The following UGT1A8 variants were observed in gnomAD, a reference collection of about 807,000 sequenced individuals.
UGT1A8 encodes UDP glucuronosyltransferase family 1 member A8.
In UGT1A8, 39 loss-of-function variants were observed where a neutral mutation model predicts 45.3. The ratio of observed to expected loss-of-function variants is 0.86; its 90% CI spans 0.67 to 1.12. The LOEUF (loss-of-function observed/expected upper bound fraction) is 1.12, where lower values mean the gene tolerates loss of function less well. UGT1A8 is among the 50% of genes most tolerant of loss of function. UGT1A8 has a pLI of 0.00. For synonymous variants in UGT1A8, 275 were observed against 249.2 expected, an observed-to-expected ratio of 1.10 and a Z score of -0.97; for missense variants, 719 against 664.9, an observed-to-expected ratio of 1.08 and a Z score of -0.90.
intron 1 of UGT1A8, among the ~76,000 whole-genome samples, chr2:233,765,971 T>A (rs950382144): frequency 6.6e-6 from 1 of 152,072 alleles, no homozygotes; most frequent in African/African-American, 2.4e-5. Context: ...TAGAGGTGGA[T>A]GTTTACAGCT....
At chr2:233,709,190 T>C (rs2076063708) in intron 1 of UGT1A8, among the ~76,000 whole-genome samples, 2 of 152,114 alleles carry the variant, frequency 1.3e-5, no homozygotes, top group East Asian at 3.9e-4. Flanking sequence ...GAGCTGGGAG[T>C]GGATCCTCAC....
intron 1 of UGT1A8, among the ~76,000 whole-genome samples, chr2:233,762,024 AT>A (rs967311965): frequency 2.6e-5 from 4 of 151,856 alleles, no homozygotes; most frequent in Non-Finnish European, 4.4e-5. Context: ...TTTGTATTTT[AT>A]TTTTTTTAAT....
chr2:233,638,101 G>A (rs1033512703), intron 1 of UGT1A8, among the ~76,000 whole-genome samples: 5 of 152,086 alleles, frequency 3.3e-5, no homozygotes, highest in African/African-American at 1.2e-4. Context: ...CCTACACGTA[G>A]GGTTACAGGG....
chr2:233,637,855 A>T (rs1299214166), intron 1 of UGT1A8, among the ~76,000 whole-genome samples: 1 of 152,208 alleles, frequency 6.6e-6, no homozygotes, highest in African/African-American at 2.4e-5. Flanking sequence ...TTCACTTGCC[A>T]ATAAATTATG....
At chr2:233,630,002 C>A (rs1055293969) in intron 1 of UGT1A8, among the ~76,000 whole-genome samples, 19 of 151,730 alleles carry the variant, frequency 1.3e-4, no homozygotes, top group African/African-American at 4.1e-4. Flanking sequence ...TTGATAATTT[C>A]TTTCTTCTCT....
At chr2:233,746,789 T>C (rs1693473913) in intron 1 of UGT1A8, among the ~76,000 whole-genome samples, 1 of 151,828 alleles carries the variant, frequency 6.6e-6, no homozygotes, top group South Asian at 2.1e-4. Context: ...TCTGTTGTAA[T>C]TCATGAGCGT....
At chr2:233,735,430 A>G (rs2125793200) in intron 1 of UGT1A8, among the ~76,000 whole-genome samples, 1 of 152,196 alleles carries the variant, frequency 6.6e-6, no homozygotes, top group East Asian at 1.9e-4. Context: ...GGCCTCCTGA[A>G]TACAGCATAC....
At chr2:233,763,992 G>T (rs1053097795) in intron 1 of UGT1A8, among the ~76,000 whole-genome samples, 85 of 152,324 alleles carry the variant, frequency 5.6e-4, no homozygotes, top group Non-Finnish European at 2.2e-4. Flanking sequence ...AATGCGTGAT[G>T]GTGAAGTCAC....
At chr2:233,646,788 G>A (rs889014801) in intron 1 of UGT1A8, among the ~76,000 whole-genome samples, 1 of 152,108 alleles carries the variant, frequency 6.6e-6, no homozygotes, top group Admixed American at 6.5e-5. Flanking sequence ...ACATTTTCCT[G>A]TCTTCTTCTG....
At chr2:233,763,879 G>A (rs983056292) in intron 1 of UGT1A8, among the ~76,000 whole-genome samples, 2 of 152,162 alleles carry the variant, frequency 1.3e-5, no homozygotes, top group South Asian at 2.1e-4. Flanking sequence ...CTGGGTCTGA[G>A]AAAAATAACT....
chr2:233,639,757 C>T (rs1334214258), intron 1 of UGT1A8, among the ~76,000 whole-genome samples: 2 of 152,100 alleles, frequency 1.3e-5, no homozygotes, highest in Non-Finnish European at 2.9e-5. Context: ...GGCAGATGGC[C>T]CCATCTCCAA....
chr2:233,691,333 C>G (rs1465686537), intron 1 of UGT1A8: 6 of 985,436 alleles, frequency 6.1e-6, no homozygotes, highest in Non-Finnish European at 7.2e-6. Flanking sequence ...TTGGACTGAG[C>G]TGAGTCTTCG....
chr2:233,708,438 T>C (rs1435886261), intron 1 of UGT1A8: 1 of 152,216 alleles, frequency 6.6e-6, no homozygotes, highest in African/African-American at 2.4e-5. Context: ...AACTGGTATT[T>C]ACCTTCTGCA....
chr2:233,732,815 A>G (rs1359476181), intron 1 of UGT1A8, among the ~76,000 whole-genome samples: 2 of 140,410 alleles, frequency 1.4e-5, no homozygotes, highest in African/African-American at 5.5e-5. Context: ...TTGATTCCAT[A>G]TGAACTTTAA....
At chr2:233,670,722 G>C (rs2741044) in intron 1 of UGT1A8, among the ~76,000 whole-genome samples, 1 of 151,990 alleles carries the variant, frequency 6.6e-6, no homozygotes, top group African/African-American at 2.4e-5. Flanking sequence ...AATTAGAGAT[G>C]TTGGGTTTGC....
chr2:233,687,690 C>T (rs1385229138), intron 1 of UGT1A8, among the ~76,000 whole-genome samples: 1 of 151,794 alleles, frequency 6.6e-6, no homozygotes, highest in South Asian at 2.1e-4. Context: ...ATCACTTAAG[C>T]CCAGGAGTTT....
intron 1 of UGT1A8, among the ~76,000 whole-genome samples, chr2:233,758,934 A>T (rs1366675557): frequency 1.3e-5 from 2 of 152,238 alleles, no homozygotes; most frequent in Non-Finnish European, 2.9e-5. Context: ...TTTTGACTTC[A>T]AATCAGTCAT....
At chr2:233,768,083 C>T in intron 3 of UGT1A8, 137 bp from the exon 4 acceptor site, 1 of 1,591,312 alleles carries the variant, frequency 6.3e-7, no homozygotes, top group Non-Finnish European at 8.6e-7. Flanking sequence ...GGTATCTCAA[C>T]CCACATTTTC....
At chr2:233,705,790 C>A (rs1416017084) in intron 1 of UGT1A8, among the ~76,000 whole-genome samples, 6 of 152,064 alleles carry the variant, frequency 3.9e-5, no homozygotes, top group African/African-American at 1.4e-4. Flanking sequence ...GCAAAATGCC[C>A]CTTGTTCAAA....
Sources: gnomAD v4.1 joint callset for allele counts (sites outside exome capture counted in the v4.1 genomes callset) on GRCh38, gnomAD v4.1.1 for gene constraint, MANE v1.5 for transcripts, NCBI Gene and HGNC (gene_info 2026-07-23, HGNC 2026-07-21) for gene names.